Variants in TMEM119 observed in about 807,000 individuals in gnomAD.
TMEM119 encodes the protein transmembrane protein 119.
For missense variants in TMEM119, 410 were observed against 381.0 expected (o/e 1.08, Z -0.63); for synonymous variants, 182 against 176.4 (o/e 1.03, Z -0.25).
At position 108,595,238 on chromosome 12, in the gene TMEM119, CACA is replaced by C. The variant is rs377663363; in HGVS notation, c.-15+2729_-15+2731del. On this transcript the variant is annotated intron_variant, in intron 1 of 1. Transcript: ENST00000392806. ...CATACACATGCACACTCACCACACA[CACA>C]ACCATTCATACACGCCACACACTCA... is the stretch of plus-strand genomic sequence containing the variant. 7.0e-3 allele frequency among the ~76,000 whole-genome samples: 1,065 copies of C among 151,950 alleles called. 10 individuals are homozygous for C. The highest frequency in any genetic ancestry group is 0.024 in the African/African-American group (1,013 of 41,414).
At chr12:108,593,233 C>A (rs2031450065) in intron 1 of TMEM119, among the ~76,000 whole-genome samples, 2 of 152,246 alleles carry the variant, frequency 1.3e-5, no homozygotes, top group South Asian at 4.1e-4. Context: ...CACTTGAGGT[C>A]AGGAGCTCAA....
At chr12:108,594,759 C>T (rs1216302389) in intron 1 of TMEM119, among the ~76,000 whole-genome samples, 1 of 151,802 alleles carries the variant, frequency 6.6e-6, no homozygotes, top group African/African-American at 2.4e-5. Flanking sequence ...AGTAAGACCC[C>T]ACCTCTACAA....
intron 1 of TMEM119, among the ~76,000 whole-genome samples, chr12:108,597,179 T>C (rs552794015): frequency 1.2e-4 from 19 of 152,174 alleles, no homozygotes; most frequent in African/African-American, 4.3e-4. Context: ...CCTAAGATGG[T>C]CCTGAGTCTG....
At position 108,591,301 on chromosome 12, in the gene TMEM119, G is replaced by A; in HGVS notation, c.*231C>T. 1 of 521,812 alleles carries A rather than the reference G, an allele frequency of 1.9e-6. No individual in the cohort carries two copies. The allele number at this position is 521,812 out of a possible 1,614,324, so 32.3% of individuals were successfully genotyped here. On this transcript the variant is annotated 3_prime_UTR_variant, in exon 2 of 2. Coordinates refer to ENST00000392806, the MANE Select transcript of TMEM119 (RefSeq NM_181724.3). The surrounding 1 kb of genome is among the most constrained non-coding windows in gnomAD (Gnocchi z 4.2). Reference sequence around the variant, plus strand: ...TGTCAGGGGAGCTGTGCTGTAGGATGTAGCCCTTTGGGGCTGCTGAGGTGA... The same window carrying A: ...TGTCAGGGGAGCTGTGCTGTAGGATATAGCCCTTTGGGGCTGCTGAGGTGA...
chr12:108,593,433 G>A (rs561871131), intron 1 of TMEM119, among the ~76,000 whole-genome samples: 66 of 151,934 alleles, frequency 4.3e-4, no homozygotes, highest in African/African-American at 1.5e-3. Flanking sequence ...GTGACAGAGC[G>A]AGAACCTATC....
chr12:108,595,509 C>T (rs562400478), intron 1 of TMEM119, among the ~76,000 whole-genome samples: 30 of 151,794 alleles, frequency 2.0e-4, no homozygotes, highest in African/African-American at 7.0e-4. Context: ...ACACGCCACA[C>T]ATACCCATAT....
Position 108,592,359 on chromosome 12 carries a change from G to A in TMEM119, c.25C>T (p.Leu9Phe). The change falls in exon 2 of 2, where the codon CTC (leucine) becomes TTC (phenylalanine). Residue 9 changes from leucine to phenylalanine, a missense_variant. By Grantham distance (22) the Leu-to-Phe change is conservative. Coordinates refer to ENST00000392806, the MANE Select transcript of TMEM119 (RefSeq NM_181724.3). The surrounding 1 kb of genome is among the most constrained non-coding windows in gnomAD (Gnocchi z 4.3). MVSAAAPSLLILLLLLLGS... is the reference protein window; with the variant it reads MVSAAAPSFLILLLLLLGS... ...AGGAGCAGCAACAGAAGGATGAGGA[G>A]GCTGGGGGCTGCCGCCGAAACCATG... 6.4e-7 allele frequency: 1 copy of A among 1,567,488 alleles called. No individual in the cohort carries two copies. The highest frequency in any genetic ancestry group is 8.6e-7 in the Non-Finnish European group (1 of 1,164,286).
At position 108,592,312 on chromosome 12, in the gene TMEM119, G is replaced by A. The variant is rs150208122; in HGVS notation, c.72C>T (p.Asp24=). 88 of 1,600,754 alleles carry A rather than the reference G, an allele frequency of 5.5e-5. No homozygotes were observed. Among genetic ancestry groups the A allele is most frequent in the Non-Finnish European group, 6.9e-5 (81 of 1,177,500 alleles). Reference sequence around the variant, plus strand: ...TGGCCTTCAGGGGCACAGAGCGGGCGTCGGTAGCAGGCACAGACCCCAGGA... The same window carrying A: ...TGGCCTTCAGGGGCACAGAGCGGGCATCGGTAGCAGGCACAGACCCCAGGA... ...LLLLGSVPAT[D]ARSVPLKATF... is the part of the protein sequence containing the mutation. Residue 24 remains aspartate (D), a synonymous_variant, in exon 2 of 2, where the codon GAC becomes GAT. Transcript: ENST00000392806. This position sits in a 1 kb window ranked among gnomAD's most constrained non-coding sequence, Gnocchi z 4.3.
chr12:108,593,464 A>AT (rs1487594237), intron 1 of TMEM119, among the ~76,000 whole-genome samples: 2 of 151,588 alleles, frequency 1.3e-5, no homozygotes, highest in African/African-American at 4.8e-5. Context: ...AAAAAAAAAA[A>AT]GATTCGTAGG....
At position 108,592,736 on chromosome 12, in the gene TMEM119, C is replaced by T. The variant is rs950404982; in HGVS notation, c.-14-339G>A. On this transcript the variant is annotated intron_variant, in intron 1 of 1. Coordinates refer to ENST00000392806, the MANE Select transcript of TMEM119 (RefSeq NM_181724.3). This position sits in a 1 kb window ranked among gnomAD's most constrained non-coding sequence, Gnocchi z 4.3. The stretch of plus-strand genomic sequence containing the variant: ...TTTACACTTTCATGACTTTATGTGT[C>T]AGCCACTGTTTTAAGTTTCTTACAT... Among the ~76,000 whole-genome samples, 1 of 152,038 alleles carries T rather than the reference C, an allele frequency of 6.6e-6. No homozygotes were observed. Among genetic ancestry groups the T allele is most frequent in the African/African-American group, 2.4e-5 (1 of 41,406 alleles).
In TMEM119 at chr12:108,590,629, T is replaced by C. The variant is rs1333473022; in HGVS notation, c.*903A>G. On this transcript the variant is annotated 3_prime_UTR_variant, in exon 2 of 2. Transcript: ENST00000392806. ...CTTGAACCTGGGAGGCGGATTGCAC[T>C]GAGCCAAGATTGCACCAAGATTGCA... 6.6e-5 allele frequency: 10 copies of C among 152,192 alleles called. No individual in the cohort carries two copies. Among genetic ancestry groups the C allele is most frequent in the African/African-American group, 1.4e-4 (6 of 41,536 alleles). 9.4% of individuals were successfully genotyped at this position (152,192 alleles called of 1,614,324 possible). A position where few individuals can be genotyped will look rare whatever the true frequency, so the allele number is the denominator to read the frequency against.
chr12:108,593,765 A>G (rs1188778257), intron 1 of TMEM119, among the ~76,000 whole-genome samples: 1 of 152,226 alleles, frequency 6.6e-6, no homozygotes, highest in Non-Finnish European at 1.5e-5. Flanking sequence ...TTAATTCCTC[A>G]TAGCCAGAGT....
rs778470575 is a variant in TMEM119 at position 108,591,827 on chromosome 12, G to A, written c.557C>T (p.Pro186Leu). Residue 186 changes from proline (P) to leucine (L), a missense_variant, in exon 2 of 2, where the codon CCC becomes CTC. Physicochemically the swap from Pro to Leu is moderately conservative, Grantham distance 98 (BLOSUM62 -3). Transcript: ENST00000392806. The surrounding 1 kb of genome is among the most constrained non-coding windows in gnomAD (Gnocchi z 4.2). ...ILAATQNLKS[P>L]TRAALGGGDG... is the part of the protein sequence containing the mutation. ...CCCACCGCCCAGTGCAGCCCTGGTGGGGGACTTGAGGTTCTGGGTGGCGGC... is the reference window on the plus strand; with the variant it reads ...CCCACCGCCCAGTGCAGCCCTGGTGAGGGACTTGAGGTTCTGGGTGGCGGC... 6.9e-6 allele frequency: 11 copies of A among 1,600,058 alleles called. No homozygotes were observed. The African/African-American group carries it at 1.1e-4, about 16-fold the overall frequency.
At position 108,596,992 on chromosome 12, in the gene TMEM119, G is replaced by A. The variant is rs181300083; in HGVS notation, c.-15+978C>T. Among the ~76,000 whole-genome samples the A allele has an allele frequency of 3.7e-3, 565 of 152,274 alleles. 4 individuals carry two copies. The highest frequency in any genetic ancestry group is 6.4e-3 in the Non-Finnish European group (433 of 68,018). On this transcript the variant is annotated intron_variant, in intron 1 of 1. Coordinates refer to ENST00000392806, the MANE Select transcript of TMEM119 (RefSeq NM_181724.3). ...TGGGCATGTCACCTCTCTGAGCCTCGGTTTCCATATCTGTACAATGGGGAT... is the reference window on the plus strand; with the variant it reads ...TGGGCATGTCACCTCTCTGAGCCTCAGTTTCCATATCTGTACAATGGGGAT...
intron 1 of TMEM119, among the ~76,000 whole-genome samples, chr12:108,593,226 T>C (rs1369574627): frequency 1.3e-5 from 2 of 151,900 alleles, no homozygotes; most frequent in Non-Finnish European, 2.9e-5. Context: ...GGCAGATCAC[T>C]TGAGGTCAGG....
chr12:108,591,844 G>T lies in TMEM119; in HGVS notation c.540C>A (p.Thr180=), dbSNP rs1477377174. 1 of 1,603,922 alleles carries T rather than the reference G, an allele frequency of 6.2e-7. No individual in the cohort carries two copies. Among genetic ancestry groups the T allele is most frequent in the Admixed American group, 1.7e-5 (1 of 59,242 alleles). ...CCCTGGTGGGGGACTTGAGGTTCTG[G>T]GTGGCGGCCAAGATGTCGGCCTGGA... ...RQLQADILAA[T]QNLKSPTRAA... The change falls in exon 2 of 2, where the codon ACC becomes ACA. Residue 180 remains threonine (T), a synonymous_variant. Coordinates refer to ENST00000392806, the MANE Select transcript of TMEM119 (RefSeq NM_181724.3). The surrounding 1 kb of genome is among the most constrained non-coding windows in gnomAD (Gnocchi z 4.2).
In TMEM119 at chr12:108,592,547, C is replaced by T. The variant is rs945173911; in HGVS notation, c.-14-150G>A. ...TCCCAGGGCCTGAGCCCCGCTGGTT[C>T]AGCTGTGGAGTACAGATGTGCTCCC... On this transcript the variant is annotated intron_variant, in intron 1 of 1. Coordinates refer to ENST00000392806, the MANE Select transcript of TMEM119 (RefSeq NM_181724.3). The surrounding 1 kb of genome is among the most constrained non-coding windows in gnomAD (Gnocchi z 4.3). 2.2e-6 allele frequency: 2 copies of T among 901,812 alleles called. No individual in the cohort carries two copies. Among genetic ancestry groups the T allele is most frequent in the Non-Finnish European group, 3.3e-6 (2 of 613,106 alleles). 55.9% of individuals were successfully genotyped at this position (901,812 alleles called of 1,614,324 possible).
chr12:108,591,922 G>C lies in TMEM119; in HGVS notation c.462C>G (p.Pro154=), dbSNP rs552273323. 3 of 1,613,186 alleles carry C rather than the reference G, an allele frequency of 1.9e-6. No homozygotes were observed. In the African/African-American group the frequency reaches 4.0e-5, roughly 22 times the overall value. ...AGGPRAFSEV[P]DRAPDSRPEE... is the part of the protein sequence containing the mutation. Reference sequence around the variant, plus strand: ...CGGGCCTGCTGTCGGGGGCTCTGTCGGGGACCTCACTGAAGGCCCGGGGGC... The same window carrying C: ...CGGGCCTGCTGTCGGGGGCTCTGTCCGGGACCTCACTGAAGGCCCGGGGGC... The change falls in exon 2 of 2, where the codon CCC becomes CCG. Residue 154 remains proline (P), a synonymous_variant. Coordinates refer to ENST00000392806, the MANE Select transcript of TMEM119 (RefSeq NM_181724.3). This position sits in a 1 kb window ranked among gnomAD's most constrained non-coding sequence, Gnocchi z 4.2.
Position 108,591,701 on chromosome 12 carries a change from G to A in TMEM119, c.683C>T (p.Thr228Ile), listed in dbSNP as rs1592804909. 6.2e-7 allele frequency: 1 copy of A among 1,613,290 alleles called. No homozygotes were observed. The highest frequency in any genetic ancestry group is 1.1e-5 in the South Asian group (1 of 91,004). ...EVQGHGVPVE[T>I]PEAQEEPCSG... Reference sequence around the variant, plus strand: ...GCACGGCTCCTCCTGCGCCTCTGGTGTCTCCACTGGGACCCCATGTCCCTG... The same window carrying A: ...GCACGGCTCCTCCTGCGCCTCTGGTATCTCCACTGGGACCCCATGTCCCTG... Residue 228 changes from threonine (T) to isoleucine (I), a missense_variant, in exon 2 of 2, where the codon ACA becomes ATA. Thr to Ile is a moderately conservative substitution (Grantham distance 89, BLOSUM62 -1). Transcript: ENST00000392806. This position sits in a 1 kb window ranked among gnomAD's most constrained non-coding sequence, Gnocchi z 4.2.
Sources: allele counts gnomAD v4.1 joint callset (sites outside exome capture counted in the v4.1 genomes callset), GRCh38; gene constraint gnomAD v4.1.1; non-coding constraint Gnocchi (gnomAD v3.1); transcripts MANE v1.5; gene names NCBI Gene and HGNC (gene_info 2026-07-23, HGNC 2026-07-21).